BEST1: variants seen among roughly 807,000 people sequenced by gnomAD.
BEST1 encodes the protein bestrophin-1.
A neutral mutation model predicts 63.3 loss-of-function variants in BEST1; 58 were observed. The ratio of observed to expected loss-of-function variants is 0.92; its 90% CI spans 0.74 to 1.14. BEST1 has a LOEUF of 1.14. BEST1 is among the 50% of genes most tolerant of loss of function. BEST1 has a pLI of 0.00. For synonymous variants in BEST1, 283 were observed against 291.6 expected (o/e 0.97, Z 0.30); for missense variants, 671 against 740.1 (o/e 0.91, Z 1.08).
chr11:61,964,505 G>A (rs17156609), downstream of BEST1: 44,517 of 635,558 alleles, frequency 0.07, 4,417 homozygotes, highest in South Asian at 0.33. Context: ...GGCACTTAAG[G>A]AATCTGGAAG....
Position 61,959,984 on chromosome 11 carries a change from C to T in BEST1, c.1041C>T (p.Tyr347=), listed in dbSNP as rs759411214. The T allele has an allele frequency of 4.8e-5, 77 of 1,612,432 alleles. No homozygotes were observed. The highest frequency in any genetic ancestry group is 6.3e-5 in the Non-Finnish European group (74 of 1,179,454). The change falls in exon 9 of 11, where the codon TAC becomes TAT. Residue 347 remains tyrosine (Y), a synonymous_variant. Transcript: ENST00000378043. The stretch of plus-strand genomic sequence containing the variant: ...ATAAGCCCGAGCCACAGCCCCCCTA[C>T]ACAGCTGCTTCCGCCCAGTTCCGTC... ...YWNKPEPQPP[Y]TAASAQFRRA... is the part of the protein sequence containing the mutation.
rs373682410 is a variant in BEST1 at position 61,962,344 on chromosome 11, A to G, written c.1190A>G (p.Gln397Arg). 2 of 1,614,086 alleles carry G rather than the reference A, an allele frequency of 1.2e-6. No homozygotes were observed. Among genetic ancestry groups the G allele is most frequent in the African/African-American group, 2.7e-5 (2 of 74,932 alleles). Residue 397 changes from glutamine to arginine, a missense_variant, in exon 10 of 11, where the codon CAG becomes CGG. Physicochemically the swap from Gln to Arg is conservative, Grantham distance 43. Transcript: ENST00000378043. ...AGIIGRFLGL[Q>R]SHDHHPPRAN... ...ATCATTGGCCGCTTCCTAGGCCTGC[A>G]GTCCCATGATCACCATCCTCCCAGG...
chr11:61,956,324 C>G (rs1941354307), intron 4 of BEST1, among the ~76,000 whole-genome samples: 1 of 152,096 alleles, frequency 6.6e-6, no homozygotes, highest in Non-Finnish European at 1.5e-5. Context: ...TCTCTGACAC[C>G]CCCTCAGCCT....
Position 61,957,373 on chromosome 11 carries a change from C to T in BEST1, c.637-14C>T, listed in dbSNP as rs1941490085. The T allele has an allele frequency of 1.9e-6, 3 of 1,609,492 alleles. No individual in the cohort carries two copies. The highest frequency in any genetic ancestry group is 1.3e-5 in the African/African-American group (1 of 74,816). Reference sequence around the variant, plus strand: ...GTGGTGTTCAGAACCCCATCCCCCTCTTCTGCCCCCCAGGAGATGAACACC... The same window carrying T: ...GTGGTGTTCAGAACCCCATCCCCCTTTTCTGCCCCCCAGGAGATGAACACC... On this transcript the variant is annotated splice_polypyrimidine_tract_variant and intron_variant, in intron 5 of 10. Coordinates refer to ENST00000378043, the MANE Select transcript of BEST1 (RefSeq NM_004183.4).
chr11:61,962,842 T>C lies in BEST1; in HGVS notation c.1688T>C (p.Ile563Thr), dbSNP rs1591314140. The part of the protein sequence containing the change: ...KEPLEQSPTN[I>T]HTTLKDHMDP... Reference sequence around the variant, plus strand: ...CCTTTGGAACAATCACCAACCAACATACACACTACACTCAAAGATCACATG... The same window carrying C: ...CCTTTGGAACAATCACCAACCAACACACACACTACACTCAAAGATCACATG... Residue 563 changes from isoleucine to threonine, a missense_variant, in exon 10 of 11, where the codon ATA becomes ACA. By Grantham distance (89) the Ile-to-Thr change is moderately conservative (BLOSUM62 -1). Transcript: ENST00000378043. 1.2e-6 allele frequency: 2 copies of C among 1,614,074 alleles called. No homozygotes were observed. The highest frequency in any genetic ancestry group is 4.5e-5 in the East Asian group (2 of 44,876).
At position 61,959,533 on chromosome 11, in the gene BEST1, T is replaced by C. The variant is rs281865261; in HGVS notation, c.903T>C (p.Asp301=). The change falls in exon 8 of 11, where the codon GAT becomes GAC. Residue 301 remains aspartate, a synonymous_variant. Transcript: ENST00000378043. ...AEQLINPFGE[D]DDDFETNWIV... ...AGCTCATCAACCCCTTTGGAGAGGA[T>C]GATGATGATTTTGAGACCAACTGGA... The C allele has an allele frequency of 6.2e-7, 1 of 1,614,144 alleles. No individual in the cohort carries two copies. The highest frequency in any genetic ancestry group is 8.5e-7 in the Non-Finnish European group (1 of 1,180,018).
chr11:61,960,215 G>A (rs1044436259), intron 9 of BEST1, 172 bp downstream of exon 9: 6 of 918,736 alleles, frequency 6.5e-6, no homozygotes, highest in South Asian at 1.7e-5. Flanking sequence ...ATTCTGGTTT[G>A]TTATCCCAAG....
chr11:61,963,380 G>A, intron 10 of BEST1: 1 of 1,253,030 alleles, frequency 8.0e-7, no homozygotes, highest in Non-Finnish European at 1.0e-6. Context: ...CCTAGGAACT[G>A]GTAGATGGTG....
At chr11:61,955,652 C>T (rs1941232974) in intron 3 of BEST1, 66 bp from the exon 4 acceptor site, 1 of 1,477,586 alleles carries the variant, frequency 6.8e-7, no homozygotes, top group Non-Finnish European at 9.2e-7. Flanking sequence ...CATCGCCGGG[C>T]GCTGGGCCCT....
chr11:61,957,972 T>A lies in BEST1; in HGVS notation c.715-174T>A, dbSNP rs201441776. Among the ~76,000 whole-genome samples, 67 of 149,728 alleles carry A rather than the reference T, an allele frequency of 4.5e-4. 1 individual carries two copies. In the East Asian group the frequency reaches 7.2e-3, roughly 16 times the overall value. On this transcript the variant is annotated intron_variant, in intron 6 of 10. Transcript: ENST00000378043. The stretch of plus-strand genomic sequence containing the variant: ...CTGGGCGACACAGCAAGACTCTGTC[T>A]CAAACAAACAAACAAACAAACAAAC...
chr11:61,962,467 G>A lies in BEST1; in HGVS notation c.1313G>A (p.Gly438Asp). 6.2e-7 allele frequency: 1 copy of A among 1,614,174 alleles called. No individual in the cohort carries two copies. Among genetic ancestry groups the A allele is most frequent in the Non-Finnish European group, 8.5e-7 (1 of 1,180,034 alleles). ...AAGGCAGCCAAACAGAACGTTAGGG[G>A]CCAGGAAGACAACAAGGCCTGGAAG... The part of the protein sequence containing the change: ...NHKAAKQNVR[G>D]QEDNKAWKLK... Residue 438 changes from glycine (G) to aspartate (D), a missense_variant, in exon 10 of 11, where the codon GGC (glycine) becomes GAC (aspartate). Coordinates refer to ENST00000378043, the MANE Select transcript of BEST1 (RefSeq NM_004183.4).
intron 10 of BEST1, 185 bp from the exon 11 acceptor site, chr11:61,963,919 A>G (rs1942335618): frequency 2.1e-6 from 3 of 1,407,658 alleles, no homozygotes; most frequent in Non-Finnish European, 1.9e-6. Context: ...AATTGCTTGA[A>G]CCCAGGAGGT....
chr11:61,952,057 G>C lies in BEST1; in HGVS notation c.152+99G>C, dbSNP rs576030608. 97 of 1,425,100 alleles carry C rather than the reference G, an allele frequency of 6.8e-5. 1 individual carries two copies. The South Asian group carries it at 1.1e-3, about 17-fold the overall frequency. 88.3% of individuals were successfully genotyped at this position (1,425,100 alleles called of 1,614,324 possible). ...AGCCAGCTCAGGGGCCAGTGTACCA[G>C]TTCACTACAAGACTAAGCTGAGCTC... is the stretch of plus-strand genomic sequence containing the variant. On this transcript the variant is annotated intron_variant, in intron 2 of 10. Transcript: ENST00000378043.
rs1244671706 is a variant in BEST1, at chr11:61,962,684, GAA to G, written c.1533_1534del (p.Ser512PhefsTer2). On this transcript the variant is annotated frameshift_variant, in exon 10 of 11. Coordinates refer to ENST00000378043, the MANE Select transcript of BEST1 (RefSeq NM_004183.4). LOFTEE classifies it high-confidence loss of function. ...TAAAGACTGTGAGTTCTGGGGCCAA[GAA>G]AAGTTTTGAATTGCTCTCAGAGAGC... Reference protein sequence around the residue: ...SLKTVSSGAKKSFELLSESDG... With the variant: ...SLKTVSSGAKXSFELLSESDG... The G allele has an allele frequency of 4.3e-6, 7 of 1,614,228 alleles. No individual in the cohort carries two copies. The highest frequency in any genetic ancestry group is 5.9e-6 in the Non-Finnish European group (7 of 1,180,048).
rs780945143 is a variant in BEST1 at position 61,955,154 on chromosome 11, T to C, written c.200T>C (p.Leu67Pro). 8.7e-6 allele frequency: 14 copies of C among 1,613,998 alleles called. No individual in the cohort carries two copies. The highest frequency in any genetic ancestry group is 1.2e-5 in the Non-Finnish European group (14 of 1,180,000). ...CAGCTGATGTTTGAGAAACTGACTC[T>C]GTATTGCGACAGCTACATCCAGCTC... ...EQQLMFEKLT[L>P]YCDSYIQLIP... The change falls in exon 3 of 11, where the codon CTG (leucine) becomes CCG (proline). Residue 67 changes from leucine (L) to proline (P), a missense_variant. Physicochemically the swap from Leu to Pro is moderately conservative, Grantham distance 98. Transcript: ENST00000378043.
In BEST1 at chr11:61,962,656, G is replaced by C. The variant is rs1382396685; in HGVS notation, c.1502G>C (p.Ser501Thr). 2 of 1,614,042 alleles carry C rather than the reference G, an allele frequency of 1.2e-6. No individual in the cohort carries two copies. The highest frequency in any genetic ancestry group is 2.2e-5 in the East Asian group (1 of 44,898). Residue 501 changes from serine (S) to threonine (T), a missense_variant, in exon 10 of 11, where the codon AGC (serine) becomes ACC (threonine). By Grantham distance (58) the Ser-to-Thr change is moderately conservative. Coordinates refer to ENST00000378043, the MANE Select transcript of BEST1 (RefSeq NM_004183.4). ...SVTGIDTKDKSLKTVSSGAKK... is the reference protein window; with the variant it reads ...SVTGIDTKDKTLKTVSSGAKK... The stretch of plus-strand genomic sequence containing the variant: ...ACAGGCATAGACACCAAAGACAAAA[G>C]CTTAAAGACTGTGAGTTCTGGGGCC...
At chr11:61,963,563 A>T in intron 10 of BEST1, 2 of 1,027,608 alleles carry the variant, frequency 1.9e-6, no homozygotes, top group Non-Finnish European at 1.2e-6. Flanking sequence ...CTTCAGCCCC[A>T]ATCACGTGGG....
In BEST1 at chr11:61,950,425, C is replaced by T. The variant is rs1940521282; in HGVS notation, c.-39C>T. 1 of 152,812 alleles carries T rather than the reference C, an allele frequency of 6.5e-6. No individual in the cohort carries two copies. Among genetic ancestry groups the T allele is most frequent in the African/African-American group, 2.4e-5 (1 of 41,450 alleles). The allele number at this position is 152,812 out of a possible 1,614,324, so 9.5% of individuals were successfully genotyped here. On this transcript the variant is annotated splice_region_variant and 5_prime_UTR_variant, in exon 1 of 11. Coordinates refer to ENST00000378043, the MANE Select transcript of BEST1 (RefSeq NM_004183.4). ...ATCATCGGACCCACCTGGAACCCCA[C>T]CTGTGAGTACAAGGTGCCCCAGGTG...
intron 4 of BEST1, 27 bp from the exon 5 acceptor site, chr11:61,956,817 C>T: frequency 6.2e-7 from 1 of 1,613,860 alleles, no homozygotes; most frequent in Non-Finnish European, 8.5e-7. Flanking sequence ...TTCTCCCACC[C>T]ACCGCCTTCT....
Sources: gnomAD v4.1 joint callset for allele counts (sites outside exome capture counted in the v4.1 genomes callset) on GRCh38, gnomAD v4.1.1 for gene constraint, MANE v1.5 for transcripts, NCBI Gene and HGNC (gene_info 2026-07-23, HGNC 2026-07-21) for gene names.